Variants in STPG1 observed in about 807,000 individuals in gnomAD.
STPG1 encodes the protein O(6)-methylguanine-induced apoptosis 2.
A neutral mutation model predicts 40.1 loss-of-function variants in STPG1; 33 were observed. That is an observed-to-expected ratio of 0.82 (90% CI 0.62 to 1.10). The LOEUF is 1.10. STPG1 is among the 50% of genes least tolerant of loss of function. STPG1 has a pLI of 0.00. For missense variants in STPG1, 396 were observed against 415.1 expected (o/e 0.95, Z 0.40); for synonymous variants, 150 against 155.0 (o/e 0.97, Z 0.24).
At chr1:24,406,265 A>T (rs1643412080) in intron 1 of STPG1, among the ~76,000 whole-genome samples, 1 of 152,124 alleles carries the variant, frequency 6.6e-6, no homozygotes, top group Admixed American at 6.5e-5. Flanking sequence ...ATCACAGTCA[A>T]ACAATAGTAT....
intron 4 of STPG1, 97 bp from the exon 5 acceptor site, chr1:24,379,920 T>C (rs3765431): frequency 0.35 from 437,456 of 1,249,974 alleles, 78,818 homozygotes; most frequent in African/African-American, 0.48. Flanking sequence ...AAGGTCTAAA[T>C]GCATTTTATA....
intron 1 of STPG1, among the ~76,000 whole-genome samples, chr1:24,402,753 A>T (rs576418734): frequency 6.6e-6 from 1 of 151,178 alleles, no homozygotes; most frequent in South Asian, 2.1e-4. Context: ...CTCAAAAAAA[A>T]AAAACAAAAA....
intron 1 of STPG1, among the ~76,000 whole-genome samples, chr1:24,406,942 GCAACCCTCACCA>G (rs906925500): frequency 6.6e-6 from 1 of 152,108 alleles, no homozygotes; most frequent in Non-Finnish European, 1.5e-5. Flanking sequence ...ATAATGTTGT[GCAACCCTCACCA>G]CTATCCGTCT....
chr1:24,389,678 T>C (rs897987383), intron 3 of STPG1, among the ~76,000 whole-genome samples: 3 of 152,192 alleles, frequency 2.0e-5, no homozygotes, highest in Admixed American at 1.3e-4. Flanking sequence ...AAATGGTGGC[T>C]GCTATTGTTT....
chr1:24,404,458 G>A (rs1022466145), intron 1 of STPG1, among the ~76,000 whole-genome samples: 6 of 152,172 alleles, frequency 3.9e-5, no homozygotes, highest in Admixed American at 2.0e-4. Context: ...TGAGTTGGAA[G>A]GTGTTTTTTT....
chr1:24,364,356 T>C lies in STPG1; in HGVS notation c.738-3315A>G, dbSNP rs145783642. On this transcript the variant is annotated intron_variant, in intron 7 of 8. Transcript: ENST00000337248. ...CCACCGTCAACAGCCTGCACTTCAC[T>C]GTAAACTCGGAATGACACACCCACC... 7.1e-5 allele frequency: 109 copies of C among 1,543,440 alleles called. 1 individual carries two copies. The East Asian group carries it at 2.6e-3, about 36-fold the overall frequency.
At chr1:24,362,661 T>C (rs970827469) in intron 7 of STPG1, among the ~76,000 whole-genome samples, 4 of 152,208 alleles carry the variant, frequency 2.6e-5, no homozygotes, top group African/African-American at 7.2e-5. Flanking sequence ...TGCTGCTTGG[T>C]GACAGACAGG....
rs1369407079 is a variant in STPG1 at position 24,358,043 on chromosome 1, T to C, written c.*500A>G. Reference sequence around the variant, plus strand: ...CTGCCTGCAGGTAGCTTTCGCCCAGTAGACATACCGTAAGTGAGTGAGGTC... The same window carrying C: ...CTGCCTGCAGGTAGCTTTCGCCCAGCAGACATACCGTAAGTGAGTGAGGTC... On this transcript the variant is annotated 3_prime_UTR_variant, in exon 9 of 9. Coordinates refer to ENST00000337248, the MANE Select transcript of STPG1 (RefSeq NM_001199013.2). 8.2e-6 allele frequency: 3 copies of C among 364,278 alleles called. No individual in the cohort carries two copies. Among genetic ancestry groups the C allele is most frequent in the East Asian group, 7.4e-5 (1 of 13,524 alleles). The allele number at this position is 364,278 out of a possible 1,614,324, so 22.6% of individuals were successfully genotyped here. A position where few individuals can be genotyped will look rare whatever the true frequency, so the allele number is the denominator to read the frequency against.
chr1:24,411,195 T>G (rs1643612657), intron 1 of STPG1, among the ~76,000 whole-genome samples: 1 of 152,200 alleles, frequency 6.6e-6, no homozygotes, highest in Admixed American at 6.5e-5. Context: ...GAATACCTTA[T>G]GCAATTTTTA....
At chr1:24,362,653 C>A (rs1019958741) in intron 7 of STPG1, among the ~76,000 whole-genome samples, 2 of 152,206 alleles carry the variant, frequency 1.3e-5, no homozygotes, top group Non-Finnish European at 2.9e-5. Context: ...TCAATGTGTG[C>A]TGCTTGGTGA....
chr1:24,390,949 A>G (rs1642746542), intron 3 of STPG1, among the ~76,000 whole-genome samples: 1 of 151,786 alleles, frequency 6.6e-6, no homozygotes, highest in African/African-American at 2.4e-5. Flanking sequence ...ACAGGCACAC[A>G]CCACTATGCC....
chr1:24,411,319 T>C lies in STPG1; in HGVS notation c.-69+2355A>G, dbSNP rs114355859. 4.4e-3 allele frequency among the ~76,000 whole-genome samples: 674 copies of C among 152,314 alleles called. 6 individuals are homozygous for C. Among genetic ancestry groups the C allele is most frequent in the African/African-American group, 0.013 (556 of 41,572 alleles). On this transcript the variant is annotated intron_variant, in intron 1 of 8. Transcript: ENST00000337248. ...TTAGAAGAAAAGTGGAATCAGGCTT[T>C]GAACTCAGGAAGTCTGACTTCTACT...
chr1:24,359,813 C>T lies in STPG1; in HGVS notation c.928+1038G>A, dbSNP rs867637169. 3.9e-5 allele frequency among the ~76,000 whole-genome samples: 6 copies of T among 152,216 alleles called. No individual in the cohort carries two copies. The highest frequency in any genetic ancestry group is 3.2e-3 in the Middle Eastern group (1 of 316). On this transcript the variant is annotated intron_variant, in intron 8 of 8. Transcript: ENST00000337248. This position sits in a 1 kb window ranked among gnomAD's most constrained non-coding sequence, Gnocchi z 5.3. ...GGTCAGGCTGTGGTAATAGCGAAAG[C>T]GCTCTATAGAGAGCTACAAATAGGT...
intron 1 of STPG1, chr1:24,411,565 C>T (rs962484394): frequency 1.6e-4 from 25 of 152,232 alleles, no homozygotes; most frequent in Admixed American, 5.9e-4. Flanking sequence ...CCTCAGCCTC[C>T]AGAGTAGCTA....
At chr1:24,413,310 T>C (rs1643816367) in intron 1 of STPG1, among the ~76,000 whole-genome samples, 1 of 152,048 alleles carries the variant, frequency 6.6e-6, no homozygotes, top group African/African-American at 2.4e-5. Context: ...AACCTATGAG[T>C]AGAGATCAGG....
chr1:24,388,321 C>A (rs1642603379), intron 3 of STPG1, among the ~76,000 whole-genome samples: 1 of 152,190 alleles, frequency 6.6e-6, no homozygotes, highest in South Asian at 2.1e-4. Flanking sequence ...CGGCAGGCTG[C>A]TGGGCCATGC....
At chr1:24,365,622 G>C (rs969854198) in intron 7 of STPG1, among the ~76,000 whole-genome samples, 13 of 152,246 alleles carry the variant, frequency 8.5e-5, no homozygotes, top group African/African-American at 3.1e-4. Flanking sequence ...CCCAAGCACA[G>C]CATCCGCCCT....
At chr1:24,401,519 G>C in intron 1 of STPG1, 63 bp from the exon 2 acceptor site, 1 of 762,152 alleles carries the variant, frequency 1.3e-6, no homozygotes, top group Middle Eastern at 2.3e-4. Flanking sequence ...TTGCAAATGG[G>C]TTCTGTTCTA....
chr1:24,411,802 T>C (rs1270767154), intron 1 of STPG1: 1 of 152,188 alleles, frequency 6.6e-6, no homozygotes, highest in Non-Finnish European at 1.5e-5. Flanking sequence ...AAATAAGGGA[T>C]GGCTGGGTGG....
Sources: gnomAD v4.1 joint callset for allele counts (sites outside exome capture counted in the v4.1 genomes callset) on GRCh38, gnomAD v4.1.1 for gene constraint, Gnocchi (gnomAD v3.1) non-coding constraint, MANE v1.5 for transcripts, NCBI Gene and HGNC (gene_info 2026-07-23, HGNC 2026-07-21) for gene names.